Variants in FIG4 observed in about 807,000 individuals in gnomAD.
The protein encoded by FIG4 is polyphosphoinositide phosphatase.
FIG4 carries 112 observed loss-of-function variants against 118.6 expected under a neutral mutation model. That is an observed-to-expected ratio of 0.94 (90% CI 0.81 to 1.11). The LOEUF (loss-of-function observed/expected upper bound fraction) is 1.11, where lower values mean the gene tolerates loss of function less well. Among genes scored for constraint, FIG4 ranks in the 50% least tolerant of loss-of-function variants. The pLI is 0.00. For missense variants in FIG4, 969 were observed against 1,111.7 expected, an observed-to-expected ratio of 0.87 and a Z score of 1.83; for synonymous variants, 369 against 381.2, an observed-to-expected ratio of 0.97 and a Z score of 0.37.
rs1306270072 is a variant in FIG4, at chr6:109,825,173, G to A, written c.2632G>A (p.Ala878Thr). The A allele has an allele frequency of 1.2e-6, 2 of 1,613,946 alleles. No homozygotes were observed. Among genetic ancestry groups the A allele is most frequent in the Admixed American group, 3.3e-5 (2 of 60,004 alleles). ...VDRKSTEIFQ[A>T]HIQASQGIMQ... is the part of the protein sequence containing the mutation. ...CAGAAAATCTACAGAGATCTTCCAA[G>A]CCCACATCCAGGCCAGCCAAGGTAT... Residue 878 changes from alanine to threonine, a missense_variant, in exon 23 of 23, where the codon GCC (alanine) becomes ACC (threonine). By Grantham distance (58) the Ala-to-Thr change is moderately conservative (BLOSUM62 0). This residue lies in a region of FIG4 where 330 missense variants were observed against 348.1 expected (regional missense o/e 0.95). Coordinates refer to ENST00000230124, the MANE Select transcript of FIG4 (RefSeq NM_014845.6).
intron 1 of FIG4, among the ~76,000 whole-genome samples, chr6:109,695,781 G>C (rs1407556589): frequency 6.6e-6 from 1 of 152,188 alleles, no homozygotes; most frequent in Non-Finnish European, 1.5e-5. Context: ...TCAGGATCTT[G>C]ATCTCACTTG....
intron 1 of FIG4, among the ~76,000 whole-genome samples, chr6:109,699,229 A>G (rs1435155534): frequency 6.6e-6 from 1 of 152,116 alleles, no homozygotes; most frequent in East Asian, 1.9e-4. Context: ...TGTTCATTTT[A>G]TCTTAGTTGT....
chr6:109,785,791 G>T, intron 17 of FIG4: 1 of 446,854 alleles, frequency 2.2e-6, no homozygotes. Context: ...AAGTATTTTT[G>T]GTTCTTATTA....
intron 22 of FIG4, among the ~76,000 whole-genome samples, chr6:109,822,700 G>C (rs1779036439): frequency 1.3e-5 from 2 of 150,498 alleles, no homozygotes; most frequent in Non-Finnish European, 3.0e-5. Context: ...ACAATAGAAT[G>C]ACCATTATAA....
At chr6:109,750,586 T>C (rs1002948970) in intron 10 of FIG4, among the ~76,000 whole-genome samples, 4 of 152,118 alleles carry the variant, frequency 2.6e-5, no homozygotes, top group African/African-American at 9.7e-5. Flanking sequence ...TGAGCTATGA[T>C]TGCACCATTG....
intron 16 of FIG4, among the ~76,000 whole-genome samples, chr6:109,778,611 T>G (rs999209767): frequency 4.6e-5 from 7 of 152,272 alleles, no homozygotes; most frequent in East Asian, 1.9e-4. Flanking sequence ...TTGTTTGTTT[T>G]TTTCGGAGAC....
intron 7 of FIG4, among the ~76,000 whole-genome samples, chr6:109,740,227 C>T (rs1339853964): frequency 2.0e-5 from 3 of 152,118 alleles, no homozygotes; most frequent in African/African-American, 7.2e-5. Context: ...CAAGAGCTAA[C>T]TCGGGTCCTG....
chr6:109,805,260 A>G (rs529215120), intron 22 of FIG4, among the ~76,000 whole-genome samples: 13 of 152,136 alleles, frequency 8.5e-5, no homozygotes, highest in Non-Finnish European at 1.8e-4. Flanking sequence ...TGAAGCTCTT[A>G]ATGAGAGAAT....
chr6:109,750,417 T>G (rs1403077243), intron 10 of FIG4, among the ~76,000 whole-genome samples: 1 of 152,152 alleles, frequency 6.6e-6, no homozygotes, highest in Non-Finnish European at 1.5e-5. Context: ...GAGGCTTGCA[T>G]GAGGCCAGGA....
rs1327943339 is a variant in FIG4, at chr6:109,797,625, G to A, written c.2546+774G>A. 2.0e-5 allele frequency among the ~76,000 whole-genome samples: 3 copies of A among 152,200 alleles called. No individual in the cohort carries two copies. In the East Asian group the frequency reaches 5.8e-4, roughly 29 times the overall value. ...AATGGGTCACTGTGGGCGGGGCATG[G>A]TAGCTCACGCCTGTAATCCTAGCAC... On this transcript the variant is annotated intron_variant, in intron 22 of 22. Transcript: ENST00000230124.
At chr6:109,751,754 G>A (rs1254211194) in intron 10 of FIG4, among the ~76,000 whole-genome samples, 2 of 150,710 alleles carry the variant, frequency 1.3e-5, no homozygotes. Flanking sequence ...TGGGATCAGT[G>A]ATGATCTACC....
chr6:109,700,484 CT>C (rs1007745439), intron 1 of FIG4, among the ~76,000 whole-genome samples: 1 of 152,148 alleles, frequency 6.6e-6, no homozygotes, highest in Non-Finnish European at 1.5e-5. Flanking sequence ...AATAGATTCC[CT>C]TTTTCCCCCT....
At chr6:109,806,563 G>A (rs1778569884) in intron 22 of FIG4, among the ~76,000 whole-genome samples, 1 of 151,684 alleles carries the variant, frequency 6.6e-6, no homozygotes, top group African/African-American at 2.4e-5. Context: ...GGGATCATCT[G>A]ATTCCATCCT....
intron 4 of FIG4, among the ~76,000 whole-genome samples, chr6:109,728,769 A>G (rs1015714443): frequency 6.6e-6 from 1 of 152,342 alleles, no homozygotes; most frequent in African/African-American, 2.4e-5. Flanking sequence ...TATATAGTGT[A>G]TTGACTAAAA....
Position 109,808,544 on chromosome 6 carries a change from G to A in FIG4, c.2546+11693G>A, listed in dbSNP as rs75120232. On this transcript the variant is annotated intron_variant, in intron 22 of 22. Coordinates refer to ENST00000230124, the MANE Select transcript of FIG4 (RefSeq NM_014845.6). ...AATACTTGTATTTCAAAGTACTATGGTTGTCTTGAGGAAAAGGACTTGTGT... is the reference window on the plus strand; with the variant it reads ...AATACTTGTATTTCAAAGTACTATGATTGTCTTGAGGAAAAGGACTTGTGT... 5.0e-3 allele frequency among the ~76,000 whole-genome samples: 761 copies of A among 152,182 alleles called. 28 individuals are homozygous for A. In the East Asian group the frequency reaches 0.082, roughly 16 times the overall value.
rs569081970 is a variant in FIG4, at chr6:109,809,965, C to T, written c.2546+13114C>T. Among the ~76,000 whole-genome samples the T allele has an allele frequency of 2.0e-5, 3 of 152,244 alleles. No homozygotes were observed. The South Asian group carries it at 6.2e-4, about 32-fold the overall frequency. ...CCCATTGTCAGTATTGCCCCATCTT[C>T]AGACCAGTAGGAAGATGGCCACAGC... is the stretch of plus-strand genomic sequence containing the variant. On this transcript the variant is annotated intron_variant, in intron 22 of 22. Coordinates refer to ENST00000230124, the MANE Select transcript of FIG4 (RefSeq NM_014845.6).
At chr6:109,769,317 G>C (rs955623083) in intron 15 of FIG4, among the ~76,000 whole-genome samples, 1 of 151,996 alleles carries the variant, frequency 6.6e-6, no homozygotes, top group African/African-American at 2.4e-5. Flanking sequence ...TAATATAAAA[G>C]ATAAAGATAT....
At chr6:109,792,840 G>A (rs754285091) in intron 21 of FIG4, among the ~76,000 whole-genome samples, 176 bp downstream of exon 21, 35 of 148,836 alleles carry the variant, frequency 2.4e-4, no homozygotes, top group Non-Finnish European at 2.4e-4. Flanking sequence ...GCAGGTGCAC[G>A]CCACTATGCC....
At chr6:109,786,179 C>G in intron 17 of FIG4, 123 bp from the exon 18 acceptor site, 1 of 775,632 alleles carries the variant, frequency 1.3e-6, no homozygotes, top group South Asian at 1.6e-5. Context: ...AGCTTACCCT[C>G]GGTCAGGGCT....
Sources: gnomAD v4.1 joint callset for allele counts (sites outside exome capture counted in the v4.1 genomes callset) on GRCh38, gnomAD v4.1.1 for gene constraint, gnomAD v4.1.1 regional missense constraint, MANE v1.5 for transcripts, NCBI Gene and HGNC (gene_info 2026-07-23, HGNC 2026-07-21) for gene names.